CCNG2: variants seen among roughly 807,000 people sequenced by gnomAD.
The protein encoded by CCNG2 is cyclin G2.
A neutral mutation model predicts 36.5 loss-of-function variants in CCNG2; 20 were observed. The ratio of observed to expected loss-of-function variants is 0.55; its 90% CI spans 0.39 to 0.80. The LOEUF (loss-of-function observed/expected upper bound fraction) is 0.80, where lower values mean the gene tolerates loss of function less well. CCNG2 is among the 30% of genes least tolerant of loss of function. The probability of loss-of-function intolerance (pLI) is 0.00; values close to 1 mark genes in which losing one functional copy is unlikely to be tolerated. For synonymous variants in CCNG2, 155 were observed against 140.1 expected, an observed-to-expected ratio of 1.11 and a Z score of -0.75; for missense variants, 358 against 390.8, an observed-to-expected ratio of 0.92 and a Z score of 0.71.
rs935612590 is a variant in CCNG2, at chr4:77,166,619, A to G, written c.*695A>G. The G allele has an allele frequency of 6.6e-6, 1 of 152,168 alleles. No homozygotes were observed. The highest frequency in any genetic ancestry group is 6.5e-5 in the Admixed American group (1 of 15,280). The allele number at this position is 152,168 out of a possible 1,614,324, so 9.4% of individuals were successfully genotyped here. A position where few individuals can be genotyped will look rare whatever the true frequency, so the allele number is the denominator to read the frequency against. On this transcript the variant is annotated 3_prime_UTR_variant, in exon 8 of 8. Transcript: ENST00000316355. ...ATTGTCAAACTATGGTATTATTTTA[A>G]TGTTACTTTAAAAATCCATAATCTG...
At chr4:77,157,810 C>T (rs1292750131) in intron 1 of CCNG2, among the ~76,000 whole-genome samples, 2 of 152,106 alleles carry the variant, frequency 1.3e-5, no homozygotes, top group Admixed American at 6.5e-5. Flanking sequence ...TTGACAGCCC[C>T]GGGGCTCTGC....
In CCNG2 at chr4:77,158,858, T is replaced by C. The variant is rs185302259; in HGVS notation, c.138+188T>C. On this transcript the variant is annotated intron_variant, in intron 2 of 7. Coordinates refer to ENST00000316355, the MANE Select transcript of CCNG2 (RefSeq NM_004354.3). Reference sequence around the variant, plus strand: ...CTTAGCAAGAATGAGAGTGATACTTTAGAGAAGTGGGGTTTTTTGTTGTTG... The same window carrying C: ...CTTAGCAAGAATGAGAGTGATACTTCAGAGAAGTGGGGTTTTTTGTTGTTG... 7.2e-5 allele frequency among the ~76,000 whole-genome samples: 11 copies of C among 152,304 alleles called. No individual in the cohort carries two copies. The East Asian group carries it at 1.7e-3, about 24-fold the overall frequency.
At chr4:77,161,075 T>C (rs1457519463) in intron 4 of CCNG2, 104 bp downstream of exon 4, 2 of 798,114 alleles carry the variant, frequency 2.5e-6, no homozygotes, top group East Asian at 2.7e-5. Context: ...CTTCAAACTT[T>C]CAACTTTGAC....
chr4:77,162,999 T>C (rs1039331956), intron 6 of CCNG2, among the ~76,000 whole-genome samples: 1 of 152,176 alleles, frequency 6.6e-6, no homozygotes, highest in South Asian at 2.1e-4. Flanking sequence ...TTAGCATAAT[T>C]GGCAGGAAAT....
chr4:77,160,844 A>T lies in CCNG2; in HGVS notation c.400A>T (p.Thr134Ser). 1 of 1,614,068 alleles carries T rather than the reference A, an allele frequency of 6.2e-7. No homozygotes were observed. Among genetic ancestry groups the T allele is most frequent in the Non-Finnish European group, 8.5e-7 (1 of 1,180,006 alleles). ...GATCCGGATTAGTCAGTGTAAATGT[A>T]CTGCTTCTGACATAAAACGGATGGA... ...DVIRISQCKC[T>S]ASDIKRMEKI... is the part of the protein sequence containing the mutation. Residue 134 changes from threonine to serine, a missense_variant, in exon 4 of 8, where the codon ACT becomes TCT. Physicochemically the swap from Thr to Ser is moderately conservative, Grantham distance 58. Coordinates refer to ENST00000316355, the MANE Select transcript of CCNG2 (RefSeq NM_004354.3).
intron 3 of CCNG2, 25 bp downstream of exon 3, chr4:77,159,529 G>A (rs769489390): frequency 7.5e-6 from 12 of 1,605,926 alleles, no homozygotes; most frequent in South Asian, 1.1e-5. Flanking sequence ...TTATAAATAT[G>A]TCTTCCTTTT....
At chr4:77,161,800 T>G in intron 6 of CCNG2, 53 bp downstream of exon 6, 1 of 1,109,638 alleles carries the variant, frequency 9.0e-7, no homozygotes, top group Non-Finnish European at 1.3e-6. Context: ...TGTTTATTTT[T>G]TTCTGTGGTG....
At position 77,165,939 on chromosome 4, in the gene CCNG2, T is replaced by G. The variant is rs1483112270; in HGVS notation, c.*15T>G. The G allele has an allele frequency of 6.3e-7, 1 of 1,588,506 alleles. No homozygotes were observed. Among genetic ancestry groups the G allele is most frequent in the Non-Finnish European group, 8.5e-7 (1 of 1,171,760 alleles). ...TTCCATCTTAGAAATCTGATTGTTC[T>G]GTCAGAATTTATATTTACAGGTTTC... On this transcript the variant is annotated 3_prime_UTR_variant, in exon 8 of 8. Coordinates refer to ENST00000316355, the MANE Select transcript of CCNG2 (RefSeq NM_004354.3).
chr4:77,165,270 G>A (rs889622616), intron 7 of CCNG2, among the ~76,000 whole-genome samples: 2 of 152,164 alleles, frequency 1.3e-5, no homozygotes, highest in African/African-American at 4.8e-5. Flanking sequence ...TAGACCATAT[G>A]CTAGGAGGTA....
In CCNG2 at chr4:77,158,607, G is replaced by A. The variant is rs948126191; in HGVS notation, c.75G>A (p.Leu25=). 3.7e-6 allele frequency: 6 copies of A among 1,614,020 alleles called. No individual in the cohort carries two copies. In the African/African-American group the frequency reaches 4.0e-5, roughly 11 times the overall value. The change falls in exon 2 of 8, where the codon CTG becomes CTA. Residue 25 remains leucine, a synonymous_variant. Transcript: ENST00000316355. ...VQLLGLLNVY[L]EQEERFQPRE... ...TTCTCGGGTTGTTGAACGTCTACCT[G>A]GAACAAGAAGAGAGATTCCAACCTC...
At chr4:77,157,835 C>A (rs545885381) in intron 1 of CCNG2, among the ~76,000 whole-genome samples, 50 of 152,196 alleles carry the variant, frequency 3.3e-4, no homozygotes, top group Admixed American at 3.3e-3. Flanking sequence ...TTGTGGGGCC[C>A]CGGCATCAGT....
intron 1 of CCNG2, among the ~76,000 whole-genome samples, chr4:77,157,906 C>G (rs1465652422): frequency 6.6e-6 from 1 of 152,122 alleles, no homozygotes; most frequent in South Asian, 2.1e-4. Context: ...ACTTCTCTCC[C>G]CGGACCGTAG....
rs908047908 is a variant in CCNG2, at chr4:77,158,341, C to T, written c.1-192C>T. 1.2e-5 allele frequency: 7 copies of T among 579,750 alleles called. No individual in the cohort carries two copies. In the African/African-American group the frequency reaches 1.3e-4, roughly 11 times the overall value. 35.9% of individuals were successfully genotyped at this position (579,750 alleles called of 1,614,324 possible). ...CGGCGGACCTGACCACGGCTCCTCC[C>T]CCTGCCACACCTCCCTGGCCGTGGT... On this transcript the variant is annotated intron_variant, in intron 1 of 7. Transcript: ENST00000316355.
In CCNG2 at chr4:77,158,365, G is replaced by A. The variant is rs1327989331; in HGVS notation, c.1-168G>A. The A allele has an allele frequency of 1.1e-5, 7 of 625,994 alleles. No individual in the cohort carries two copies. In the African/African-American group the frequency reaches 1.3e-4, roughly 12 times the overall value. The allele number at this position is 625,994 out of a possible 1,614,324, so 38.8% of individuals were successfully genotyped here. ...CCCCTGCCACACCTCCCTGGCCGTG[G>A]TGGGGATTGCCCTGGGGCTCTGGCG... On this transcript the variant is annotated intron_variant, in intron 1 of 7. Transcript: ENST00000316355.
At chr4:77,161,450 TAATA>T (rs779075369) in intron 4 of CCNG2, 26 bp from the exon 5 acceptor site, 2 of 1,457,830 alleles carry the variant, frequency 1.4e-6, no homozygotes, top group Admixed American at 2.1e-5. Context: ...TTTGGAAGTT[TAATA>T]AATCTTTGTT....
chr4:77,161,389 A>G, intron 4 of CCNG2, 91 bp from the exon 5 acceptor site: 1 of 984,916 alleles, frequency 1.0e-6, no homozygotes, highest in South Asian at 1.6e-5. Context: ...GGCGTGAGAC[A>G]CCGCGTCTGG....
At chr4:77,162,460 G>A (rs4150078) in intron 6 of CCNG2, among the ~76,000 whole-genome samples, 1 of 132,220 alleles carries the variant, frequency 7.6e-6, no homozygotes, top group African/African-American at 2.8e-5. Context: ...TTGGCTCACC[G>A]CAACCTCAGC....
intron 4 of CCNG2, 116 bp from the exon 5 acceptor site, chr4:77,161,364 A>G (rs1731431284): frequency 4.1e-6 from 3 of 734,290 alleles, no homozygotes; most frequent in East Asian, 5.6e-5. Context: ...TGCCTTCCAA[A>G]GTGGTGGGAT....
chr4:77,159,825 T>C (rs2109916098), intron 3 of CCNG2, among the ~76,000 whole-genome samples: 1 of 152,360 alleles, frequency 6.6e-6, no homozygotes, highest in East Asian at 1.9e-4. Flanking sequence ...ATCATGCTTC[T>C]CTTGAAGCCA....
Sources: allele counts gnomAD v4.1 joint callset (sites outside exome capture counted in the v4.1 genomes callset), GRCh38; gene constraint gnomAD v4.1.1; transcripts MANE v1.5; gene names NCBI Gene and HGNC (gene_info 2026-07-23, HGNC 2026-07-21).